The following CHRM3 variants were observed in gnomAD, a reference collection of about 807,000 sequenced individuals.
CHRM3 encodes cholinergic receptor muscarinic 3, also known as muscarinic acetylcholine receptor M3.
CHRM3 carries 11 observed loss-of-function variants against 41.8 expected under a neutral mutation model. The ratio of observed to expected loss-of-function variants is 0.26; its 90% CI spans 0.17 to 0.44. CHRM3 has a LOEUF of 0.44. CHRM3 is among the 20% of genes least tolerant of loss of function. CHRM3 has a pLI of 1.00. For synonymous variants in CHRM3, 297 were observed against 301.4 expected (o/e 0.99, Z 0.15); for missense variants, 571 against 745.4 (o/e 0.77, Z 2.72).
At chr1:239,876,436 A>G (rs1378678143) in intron 6 of CHRM3, among the ~76,000 whole-genome samples, 1 of 152,230 alleles carries the variant, frequency 6.6e-6, no homozygotes, top group Non-Finnish European at 1.5e-5. Context: ...GAAGAGAGCC[A>G]GGCTTATGGA....
chr1:239,730,298 T>C (rs1362893970), intron 5 of CHRM3: 1 of 151,866 alleles, frequency 6.6e-6, no homozygotes. Flanking sequence ...AGAGCAAAAA[T>C]TTTGAGAACT....
chr1:239,478,427 G>A (rs2147984184), intron 1 of CHRM3, among the ~76,000 whole-genome samples: 1 of 152,186 alleles, frequency 6.6e-6, no homozygotes, highest in African/African-American at 2.4e-5. Context: ...ACAGTCAATA[G>A]ACACAAACCT....
chr1:239,805,630 ATGTGTGTG>A (rs5782101), intron 5 of CHRM3, among the ~76,000 whole-genome samples: 1 of 148,778 alleles, frequency 6.7e-6, no homozygotes. Context: ...GGTGGGGTGA[ATGTGTGTG>A]TGTGTGTGTG....
chr1:239,516,832 C>T (rs931502295), intron 2 of CHRM3, among the ~76,000 whole-genome samples: 4 of 152,156 alleles, frequency 2.6e-5, no homozygotes, highest in Admixed American at 6.6e-5. Context: ...GTCAGATCAA[C>T]GGTGGCATTA....
intron 3 of CHRM3, among the ~76,000 whole-genome samples, chr1:239,631,663 A>G (rs1365099549): frequency 6.6e-6 from 1 of 152,098 alleles, no homozygotes. Context: ...GGCTCAGTAC[A>G]CTTCAAAAAG....
intron 2 of CHRM3, among the ~76,000 whole-genome samples, chr1:239,503,137 A>G (rs576164032): frequency 9.8e-4 from 150 of 152,310 alleles, no homozygotes; most frequent in African/African-American, 3.5e-3. Flanking sequence ...TTTGTTGAAG[A>G]TATGATCATT....
intron 3 of CHRM3, among the ~76,000 whole-genome samples, chr1:239,586,900 A>C (rs150284950): frequency 6.6e-6 from 1 of 152,278 alleles, no homozygotes; most frequent in Non-Finnish European, 1.5e-5. Flanking sequence ...GGAAAGTTGA[A>C]GCTTTAACTG....
chr1:239,717,249 T>C (rs1261254809), intron 5 of CHRM3, among the ~76,000 whole-genome samples: 2 of 152,134 alleles, frequency 1.3e-5, no homozygotes, highest in Non-Finnish European at 2.9e-5. Flanking sequence ...TGAATAGTTA[T>C]TGGCTTTGAA....
At chr1:239,825,455 T>G (rs1341941939) in intron 5 of CHRM3, among the ~76,000 whole-genome samples, 1 of 152,216 alleles carries the variant, frequency 6.6e-6, no homozygotes, top group African/African-American at 2.4e-5. Context: ...ACTTCAGTGA[T>G]TCCCACAGTA....
intron 5 of CHRM3, among the ~76,000 whole-genome samples, chr1:239,798,474 A>T (rs1669968353): frequency 6.6e-6 from 1 of 152,154 alleles, no homozygotes; most frequent in Non-Finnish European, 1.5e-5. Flanking sequence ...TTCCTAGCAC[A>T]TAGAACAGCC....
intron 5 of CHRM3, among the ~76,000 whole-genome samples, chr1:239,776,229 C>G (rs1668072329): frequency 6.6e-6 from 1 of 152,150 alleles, no homozygotes; most frequent in South Asian, 2.1e-4. Context: ...AATACAGCCT[C>G]CATGTTACCA....
At chr1:239,642,712 T>G (rs1275099106) in intron 4 of CHRM3, among the ~76,000 whole-genome samples, 1 of 152,204 alleles carries the variant, frequency 6.6e-6, no homozygotes, top group East Asian at 1.9e-4. Flanking sequence ...TTGGTTTGAA[T>G]TTCCTCCTGT....
At chr1:239,562,668 T>C (rs1660979177) in intron 3 of CHRM3, among the ~76,000 whole-genome samples, 1 of 152,004 alleles carries the variant, frequency 6.6e-6, no homozygotes, top group South Asian at 2.1e-4. Context: ...GGCAGGTAGA[T>C]CATGAGGTCA....
chr1:239,579,256 A>G (rs1375476086), intron 3 of CHRM3, among the ~76,000 whole-genome samples: 5 of 152,182 alleles, frequency 3.3e-5, no homozygotes, highest in Non-Finnish European at 5.9e-5. Context: ...TTAGTTTGAC[A>G]CATGCTGATT....
At chr1:239,850,773 C>G (rs1313383379) in intron 6 of CHRM3, among the ~76,000 whole-genome samples, 1 of 152,144 alleles carries the variant, frequency 6.6e-6, no homozygotes, top group African/African-American at 2.4e-5. Flanking sequence ...CTTGGCACTT[C>G]TCCTTGCTGC....
intron 6 of CHRM3, among the ~76,000 whole-genome samples, chr1:239,902,771 C>G (rs548478784): frequency 6.6e-6 from 1 of 152,286 alleles, no homozygotes; most frequent in South Asian, 2.1e-4. Flanking sequence ...TGACTATTAA[C>G]TCGTTAACTT....
chr1:239,804,908 A>G (rs1474975469), intron 5 of CHRM3, among the ~76,000 whole-genome samples: 1 of 151,938 alleles, frequency 6.6e-6, no homozygotes, highest in Non-Finnish European at 1.5e-5. Context: ...CGCTTTTATC[A>G]CTTCCTGGTA....
intron 4 of CHRM3, among the ~76,000 whole-genome samples, chr1:239,644,503 G>A (rs1671561492): frequency 6.6e-6 from 1 of 152,194 alleles, no homozygotes; most frequent in Non-Finnish European, 1.5e-5. Flanking sequence ...CAATGGGAAT[G>A]CATCAGTGAA....
At chr1:239,761,714 G>C (rs1666794420) in intron 5 of CHRM3, among the ~76,000 whole-genome samples, 1 of 152,188 alleles carries the variant, frequency 6.6e-6, no homozygotes, top group South Asian at 2.1e-4. Context: ...AACTGCATCT[G>C]GCCTGGGTGC....
Sources: allele counts gnomAD v4.1 joint callset (sites outside exome capture counted in the v4.1 genomes callset), GRCh38; gene constraint gnomAD v4.1.1; transcripts MANE v1.5; gene names NCBI Gene and HGNC (gene_info 2026-07-23, HGNC 2026-07-21).